The following RGP1 variants were observed in gnomAD, a reference collection of about 807,000 sequenced individuals.
RGP1 encodes the protein RAB6A-GEF complex partner protein 2.
RGP1 carries 28 observed loss-of-function variants against 44.5 expected under a neutral mutation model. The observed-to-expected ratio is 0.63, with a 90% CI of 0.47 to 0.86. The LOEUF (loss-of-function observed/expected upper bound fraction) is 0.86. Ranked by LOEUF, RGP1 falls within the 40% of genes least tolerant of loss-of-function variation. The pLI is 0.00. For synonymous variants in RGP1, 212 were observed against 196.7 expected (o/e 1.08, Z -0.65); for missense variants, 417 against 490.7 (o/e 0.85, Z 1.42).
At chr9:35,767,728 G>A in the RGP1 span, among the ~76,000 whole-genome samples, 2 of 152,004 alleles carry the variant, frequency 1.3e-5, no homozygotes, top group African/African-American at 2.4e-5. Flanking sequence ...ATTCATCATG[G>A]CATTCTTTCT....
the RGP1 span, among the ~76,000 whole-genome samples, chr9:35,784,448 G>T: frequency 4.6e-5 from 7 of 152,192 alleles, no homozygotes; most frequent in Admixed American, 3.9e-4. Context: ...AGAGATAGGG[G>T]TGTTTATTTA....
At chr9:35,760,189 G>A (rs529217149), downstream of RGP1, among the ~76,000 whole-genome samples, 10 of 151,880 alleles carry the variant, frequency 6.6e-5, no homozygotes, top group Admixed American at 5.2e-4. Flanking sequence ...AGGGGATCTC[G>A]CATAAGTCTC....
the RGP1 span, among the ~76,000 whole-genome samples, chr9:35,787,236 CCCT>C: frequency 0.044 from 6,664 of 151,980 alleles, 494 homozygotes; most frequent in African/African-American, 0.15. Context: ...CACCGCTGCC[CCCT>C]TTTTTTTTGA....
chr9:35,750,623 T>C lies in RGP1; in HGVS notation c.254-35T>C, dbSNP rs1430512406. 5.6e-6 allele frequency: 9 copies of C among 1,602,522 alleles called. No individual in the cohort carries two copies. The East Asian group carries it at 1.6e-4, about 28-fold the overall frequency. On this transcript the variant is annotated intron_variant, in intron 3 of 8. Coordinates refer to ENST00000378078, the MANE Select transcript of RGP1 (RefSeq NM_001080496.3). Reference sequence around the variant, plus strand: ...GCTAGTCTTGTTCAGTACTGGACAATGGGTCATTAAATTAGTCATTTTTAC... The same window carrying C: ...GCTAGTCTTGTTCAGTACTGGACAACGGGTCATTAAATTAGTCATTTTTAC...
At position 35,753,743 on chromosome 9, in the gene RGP1, A is replaced by G. The variant is rs1293772945; in HGVS notation, c.*869A>G. 1.2e-6 allele frequency: 2 copies of G among 1,614,076 alleles called. No individual in the cohort carries two copies. Among genetic ancestry groups the G allele is most frequent in the East Asian group, 2.2e-5 (1 of 44,884 alleles). ...GGAGCCAAGACTCACCCAGGGTAAA[A>G]TATTTCCCCTCATAGTGACAGGGGG... On this transcript the variant is annotated 3_prime_UTR_variant, in exon 9 of 9. Transcript: ENST00000378078. This position sits in a 1 kb window ranked among gnomAD's most constrained non-coding sequence, Gnocchi z 4.2.
the RGP1 span, among the ~76,000 whole-genome samples, chr9:35,782,510 G>A: frequency 1.3e-5 from 2 of 152,132 alleles, no homozygotes; most frequent in Admixed American, 6.5e-5. Flanking sequence ...GCAGTGGCAC[G>A]ACCTCGGCTC....
chr9:35,749,731 T>G lies in RGP1; in HGVS notation c.-19-6T>G, dbSNP rs1317576813. On this transcript the variant is annotated splice_polypyrimidine_tract_variant and splice_region_variant and intron_variant, in intron 1 of 8. Transcript: ENST00000378078. The surrounding 1 kb of genome is among the most constrained non-coding windows in gnomAD (Gnocchi z 4.4). ...CTGACCTCCGCCCCGCCTTGTTTCC[T>G]TCTAGATCTGATTCCGGAGCTGCCA... The G allele has an allele frequency of 6.4e-7, 1 of 1,561,466 alleles. No individual in the cohort carries two copies. The highest frequency in any genetic ancestry group is 1.1e-5 in the South Asian group (1 of 89,420).
At chr9:35,774,373 C>T in the RGP1 span, among the ~76,000 whole-genome samples, 8 of 152,088 alleles carry the variant, frequency 5.3e-5, no homozygotes, top group Non-Finnish European at 1.0e-4. Context: ...CTTTAGGGTC[C>T]CAGCAAAGCA....
Position 35,753,921 on chromosome 9 carries a change from A to G in RGP1, c.*1047A>G. On this transcript the variant is annotated 3_prime_UTR_variant, in exon 9 of 9. Coordinates refer to ENST00000378078, the MANE Select transcript of RGP1 (RefSeq NM_001080496.3). The surrounding 1 kb of genome is among the most constrained non-coding windows in gnomAD (Gnocchi z 4.2). ...CTGGAGGAAGCCTGGGTATTTTGAC[A>G]CGGGATCATCTGTAAGGCCCCATCC... 1 of 1,562,042 alleles carries G rather than the reference A, an allele frequency of 6.4e-7. No homozygotes were observed. The highest frequency in any genetic ancestry group is 1.2e-5 in the South Asian group (1 of 82,978).
rs2132032001 is a variant in RGP1 at position 35,750,712 on chromosome 9, T to C, written c.308T>C (p.Leu103Pro). 1.2e-6 allele frequency: 2 copies of C among 1,614,028 alleles called. No homozygotes were observed. Among genetic ancestry groups the C allele is most frequent in the Non-Finnish European group, 1.7e-6 (2 of 1,179,896 alleles). The stretch of plus-strand genomic sequence containing the variant: ...CCACCGAAAATTCTATTCTGTGACC[T>C]GAGGCTTGATCCTGGAGAGTCCAAA... ...STPPKILFCD[L>P]RLDPGESKSY... The change falls in exon 4 of 9, where the codon CTG becomes CCG. Residue 103 changes from leucine to proline, a missense_variant. Transcript: ENST00000378078.
the RGP1 span, among the ~76,000 whole-genome samples, chr9:35,776,690 T>C: frequency 6.6e-6 from 1 of 151,960 alleles, no homozygotes; most frequent in Admixed American, 6.6e-5. Flanking sequence ...TCTTGTCTAG[T>C]GTTTGATCAA....
Position 35,752,796 on chromosome 9 carries a change from C to T in RGP1, c.1098C>T (p.Pro366=). 6.2e-7 allele frequency: 1 copy of T among 1,613,792 alleles called. No homozygotes were observed. Among genetic ancestry groups the T allele is most frequent in the South Asian group, 1.1e-5 (1 of 91,050 alleles). ...VPVDTFSWDL[P]IKVLPTSPTL... ...TAGACACCTTCAGCTGGGACCTGCC[C>T]ATCAAGGTGCTGCCTACTAGCCCCA... The change falls in exon 9 of 9, where the codon CCC becomes CCT. Residue 366 remains proline, a synonymous_variant. Transcript: ENST00000378078.
Position 35,750,247 on chromosome 9 carries a change from G to T in RGP1, c.121G>T (p.Ala41Ser), listed in dbSNP as rs748723520. 4.3e-6 allele frequency: 7 copies of T among 1,613,364 alleles called. No individual in the cohort carries two copies. Among genetic ancestry groups the T allele is most frequent in the Non-Finnish European group, 5.9e-6 (7 of 1,179,782 alleles). Residue 41 changes from alanine (A) to serine (S), a missense_variant, in exon 3 of 9, where the codon GCC becomes TCC. Coordinates refer to ENST00000378078, the MANE Select transcript of RGP1 (RefSeq NM_001080496.3). ...CTCCTTTTCCTTTTCCCACAGTGAGGCCCTGGCCTGGGCCAGTGCCCAAAT... is the reference window on the plus strand; with the variant it reads ...CTCCTTTTCCTTTTCCCACAGTGAGTCCCTGGCCTGGGCCAGTGCCCAAAT... ...PPTATSASSE[A>S]LAWASAQIHC... is the part of the protein sequence containing the mutation.
the RGP1 span, among the ~76,000 whole-genome samples, chr9:35,774,474 T>C: frequency 1.3e-5 from 2 of 152,232 alleles, no homozygotes; most frequent in African/African-American, 4.8e-5. Flanking sequence ...ACGCCTGTAA[T>C]CCCAGCACTT....
At chr9:35,786,383 G>C in the RGP1 span, among the ~76,000 whole-genome samples, 2 of 152,184 alleles carry the variant, frequency 1.3e-5, no homozygotes, top group African/African-American at 4.8e-5. Context: ...GCTCCCAAAG[G>C]GTGGTAAATA....
At chr9:35,770,508 AG>A in the RGP1 span, among the ~76,000 whole-genome samples, 2,862 of 115,804 alleles carry the variant, frequency 0.025, 43 homozygotes, top group Middle Eastern at 0.04. Context: ...AGAGAGAGAG[AG>A]AGAGAGAGAG....
the RGP1 span, among the ~76,000 whole-genome samples, chr9:35,776,799 T>A: frequency 6.6e-6 from 1 of 151,592 alleles, no homozygotes; most frequent in Non-Finnish European, 1.5e-5. Flanking sequence ...ATCGAGACCA[T>A]CCTGGCTAAC....
At chr9:35,787,674 G>C in the RGP1 span, among the ~76,000 whole-genome samples, 20 of 152,350 alleles carry the variant, frequency 1.3e-4, no homozygotes, top group African/African-American at 4.3e-4. Context: ...TCAGGATTCT[G>C]TCTCTCCCTT....
chr9:35,772,304 C>T, the RGP1 span: 1 of 152,166 alleles, frequency 6.6e-6, no homozygotes, highest in Admixed American at 6.5e-5. Flanking sequence ...AGAGGATCTT[C>T]ATCACGGGGA....
Sources: gnomAD v4.1 joint callset for allele counts (sites outside exome capture counted in the v4.1 genomes callset) on GRCh38, gnomAD v4.1.1 for gene constraint, Gnocchi (gnomAD v3.1) non-coding constraint, MANE v1.5 for transcripts, NCBI Gene and HGNC (gene_info 2026-07-23, HGNC 2026-07-21) for gene names.